ACADS: variants seen among roughly 807,000 people sequenced by gnomAD.
ACADS encodes acyl-CoA dehydrogenase short chain, also known as short-chain specific acyl-CoA dehydrogenase, mitochondrial.
A neutral mutation model predicts 46.8 loss-of-function variants in ACADS; 28 were observed. That is an observed-to-expected ratio of 0.60 (90% CI 0.44 to 0.82). ACADS has a LOEUF of 0.82. Ranked by LOEUF, ACADS falls within the 40% of genes least tolerant of loss-of-function variation. The probability of loss-of-function intolerance (pLI) is 0.00; values close to 1 mark genes in which losing one functional copy is unlikely to be tolerated. For synonymous variants in ACADS, 236 were observed against 237.7 expected, an observed-to-expected ratio of 0.99 and a Z score of 0.07; for missense variants, 528 against 578.0, an observed-to-expected ratio of 0.91 and a Z score of 0.89.
intron 2 of ACADS, among the ~76,000 whole-genome samples, chr12:120,733,265 G>C (rs550092990): frequency 1.3e-5 from 2 of 150,422 alleles, no homozygotes; most frequent in East Asian, 3.9e-4. Flanking sequence ...GGGAGAGGGA[G>C]AATCCTTGTA....
rs1209768615 is a variant in ACADS at position 120,725,836 on chromosome 12, A to G, written c.-50A>G. ...GTCCCGCCCCCCAGCACTCCGGAAC[A>G]GCGCGCTCGCAGCGGGAGGTCGCGA... On this transcript the variant is annotated 5_prime_UTR_variant, in exon 1 of 10. Coordinates refer to ENST00000242592, the MANE Select transcript of ACADS (RefSeq NM_000017.4). The G allele has an allele frequency of 1.3e-6, 2 of 1,522,690 alleles. No individual in the cohort carries two copies. The highest frequency in any genetic ancestry group is 2.0e-5 in the Admixed American group (1 of 50,364). 94.3% of individuals were successfully genotyped at this position (1,522,690 alleles called of 1,614,324 possible).
At chr12:120,737,329 T>C in intron 3 of ACADS, 27 bp from the exon 4 acceptor site, 1 of 1,607,132 alleles carries the variant, frequency 6.2e-7, no homozygotes, top group Non-Finnish European at 8.5e-7. Context: ...GCCTGGGGCC[T>C]CCGACCGCTC....
rs373529708 is a variant in ACADS at position 120,738,238 on chromosome 12, C to T, written c.625-42C>T. 68 of 1,613,538 alleles carry T rather than the reference C, an allele frequency of 4.2e-5. 1 individual carries two copies. Among genetic ancestry groups the T allele is most frequent in the Non-Finnish European group, 5.3e-5 (63 of 1,179,916 alleles). On this transcript the variant is annotated intron_variant, in intron 5 of 9. Coordinates refer to ENST00000242592, the MANE Select transcript of ACADS (RefSeq NM_000017.4). Reference sequence around the variant, plus strand: ...TGGGTGTGCTGGTGTGAGGGTGTGGCTGAGGGGCAGCTCTGAGAAAACCAC... The same window carrying T: ...TGGGTGTGCTGGTGTGAGGGTGTGGTTGAGGGGCAGCTCTGAGAAAACCAC...
At chr12:120,726,312 A>G (rs1449370726) in intron 1 of ACADS, among the ~76,000 whole-genome samples, 1 of 152,092 alleles carries the variant, frequency 6.6e-6, no homozygotes, top group Admixed American at 6.5e-5. Context: ...CGGTTGGCCC[A>G]TGTGTAAAAT....
At chr12:120,732,334 G>T (rs1300088660) in intron 2 of ACADS, among the ~76,000 whole-genome samples, 1 of 151,752 alleles carries the variant, frequency 6.6e-6, no homozygotes, top group Non-Finnish European at 1.5e-5. Context: ...CCTCCCGGAC[G>T]GGGTGGCTGC....
chr12:120,739,467 C>A lies in ACADS; in HGVS notation c.*19C>A. On this transcript the variant is annotated 3_prime_UTR_variant, in exon 10 of 10. Coordinates refer to ENST00000242592, the MANE Select transcript of ACADS (RefSeq NM_000017.4). ...GAGCTGAGCCCGCGGCGGACTGCCCCAGGACTGCGGGAAGGCGCGGGAGCC... is the reference window on the plus strand; with the variant it reads ...GAGCTGAGCCCGCGGCGGACTGCCCAAGGACTGCGGGAAGGCGCGGGAGCC... The A allele has an allele frequency of 6.2e-7, 1 of 1,601,910 alleles. No individual in the cohort carries two copies. Among genetic ancestry groups the A allele is most frequent in the East Asian group, 2.2e-5 (1 of 44,708 alleles).
At chr12:120,731,145 G>C (rs1172303067) in intron 2 of ACADS, among the ~76,000 whole-genome samples, 1 of 152,034 alleles carries the variant, frequency 6.6e-6, no homozygotes, top group East Asian at 1.9e-4. Flanking sequence ...ATAACTTTTT[G>C]TGGAGATGGG....
Position 120,735,898 on chromosome 12 carries a change from C to CAAAATAAAATAAAAT in ACADS, c.211-1070_211-1056dup, listed in dbSNP as rs72432001. Among the ~76,000 whole-genome samples, 28 of 149,702 alleles carry CAAAATAAAATAAAAT rather than the reference C, an allele frequency of 1.9e-4. No homozygotes were observed. The East Asian group carries it at 5.0e-3, about 27-fold the overall frequency. ...TGGGCAACAGAACAATACTCTGTCA[C>CAAAATAAAATAAAAT]AAAATAAAATAAAATAAAATAAAAT... On this transcript the variant is annotated intron_variant, in intron 2 of 9. Transcript: ENST00000242592.
intron 2 of ACADS, among the ~76,000 whole-genome samples, chr12:120,729,723 G>A (rs2136941522): frequency 6.6e-6 from 1 of 152,146 alleles, no homozygotes; most frequent in Non-Finnish European, 1.5e-5. Flanking sequence ...GAATGTTCCT[G>A]TAGCTGGCCA....
chr12:120,727,008 T>G lies in ACADS; in HGVS notation c.47-18T>G. ...CCTCCTGCCTCCTCCTTCCACTCAC[T>G]TCTGCCCTTGCCGGCAGCTCTCTGT... On this transcript the variant is annotated intron_variant, in intron 1 of 9. Coordinates refer to ENST00000242592, the MANE Select transcript of ACADS (RefSeq NM_000017.4). 6.2e-7 allele frequency: 1 copy of G among 1,614,050 alleles called. No homozygotes were observed. The highest frequency in any genetic ancestry group is 8.5e-7 in the Non-Finnish European group (1 of 1,180,010).
At chr12:120,732,841 A>T (rs1030977944) in intron 2 of ACADS, among the ~76,000 whole-genome samples, 1 of 152,408 alleles carries the variant, frequency 6.6e-6, no homozygotes, top group East Asian at 1.9e-4. Context: ...AGAGACTGCA[A>T]TCTCGGCACT....
intron 8 of ACADS, 75 bp from the exon 9 acceptor site, chr12:120,739,065 C>T: frequency 6.2e-7 from 1 of 1,607,462 alleles, no homozygotes; most frequent in Non-Finnish European, 8.5e-7. Flanking sequence ...CAGGCCTCCC[C>T]TGCTGAGGGA....
At chr12:120,737,773 G>T in intron 4 of ACADS, 64 bp from the exon 5 acceptor site, 1 of 1,607,332 alleles carries the variant, frequency 6.2e-7, no homozygotes. Flanking sequence ...TGGAGGGAGT[G>T]AGGCTGGTGC....
chr12:120,726,677 T>G (rs1883094796), intron 1 of ACADS, among the ~76,000 whole-genome samples: 1 of 152,208 alleles, frequency 6.6e-6, no homozygotes. Context: ...TTATTACTGT[T>G]GGTATTATAC....
At chr12:120,738,783 A>T in intron 7 of ACADS, 37 bp from the exon 8 acceptor site, 2 of 1,613,070 alleles carry the variant, frequency 1.2e-6, no homozygotes, top group Non-Finnish European at 1.7e-6. Context: ...CTGGAGGGGC[A>T]GCTGCTGACC....
At position 120,725,996 on chromosome 12, in the gene ACADS, C is replaced by T. The variant is rs1485052748; in HGVS notation, c.46+65C>T. ...GCGTCTGGCCCAGCGGGCGGAGGTCCTGGCGGCCGGCTCTGTCAGAGCCGC... is the reference window on the plus strand; with the variant it reads ...GCGTCTGGCCCAGCGGGCGGAGGTCTTGGCGGCCGGCTCTGTCAGAGCCGC... On this transcript the variant is annotated intron_variant, in intron 1 of 9. Coordinates refer to ENST00000242592, the MANE Select transcript of ACADS (RefSeq NM_000017.4). The T allele has an allele frequency of 4.1e-6, 6 of 1,458,090 alleles. 1 individual carries two copies. The highest frequency in any genetic ancestry group is 4.0e-5 in the South Asian group (3 of 75,442). The allele number at this position is 1,458,090 out of a possible 1,614,324, so 90.3% of individuals were successfully genotyped here.
intron 2 of ACADS, among the ~76,000 whole-genome samples, chr12:120,731,289 T>A (rs1194831017): frequency 6.6e-6 from 1 of 151,932 alleles, no homozygotes; most frequent in Admixed American, 6.6e-5. Context: ...AATTAAAAAA[T>A]TTTCTTTTAG....
At chr12:120,730,602 G>C (rs751269299) in intron 2 of ACADS, among the ~76,000 whole-genome samples, 1 of 152,128 alleles carries the variant, frequency 6.6e-6, no homozygotes, top group Non-Finnish European at 1.5e-5. Context: ...CTGTCGGGAC[G>C]TGTGACCAAG....
At chr12:120,726,132 C>G (rs1354929022) in intron 1 of ACADS, among the ~76,000 whole-genome samples, 2 of 151,328 alleles carry the variant, frequency 1.3e-5, no homozygotes, top group East Asian at 2.0e-4. Flanking sequence ...TGCACAGACC[C>G]CTACCCCCCG....
Sources: gnomAD v4.1 joint callset for allele counts (sites outside exome capture counted in the v4.1 genomes callset) on GRCh38, gnomAD v4.1.1 for gene constraint, MANE v1.5 for transcripts, NCBI Gene and HGNC (gene_info 2026-07-23, HGNC 2026-07-21) for gene names.